The following ANKS1A variants were observed in gnomAD, a reference collection of about 807,000 sequenced individuals.
ANKS1A encodes the protein ankyrin repeat and SAM domain-containing protein 1A.
In ANKS1A, 55 loss-of-function variants were observed where a neutral mutation model predicts 120.3. That is an observed-to-expected ratio of 0.46 (90% CI 0.37 to 0.57). ANKS1A has a LOEUF of 0.57. Ranked by LOEUF, ANKS1A falls within the 20% of genes least tolerant of loss-of-function variation. ANKS1A has a pLI of 0.00. For missense variants in ANKS1A, 1,123 were observed against 1,480.3 expected, an observed-to-expected ratio of 0.76 and a Z score of 3.96; for synonymous variants, 590 against 604.7, an observed-to-expected ratio of 0.98 and a Z score of 0.36.
intron 1 of ANKS1A, among the ~76,000 whole-genome samples, chr6:34,956,339 T>G (rs1770358982): frequency 6.6e-6 from 1 of 151,930 alleles, no homozygotes; most frequent in Non-Finnish European, 1.5e-5. Flanking sequence ...TTTGAGTCAT[T>G]TTTTTCTGTT....
intron 1 of ANKS1A, among the ~76,000 whole-genome samples, chr6:34,908,394 G>A (rs927383882): frequency 3.3e-5 from 5 of 152,206 alleles, no homozygotes; most frequent in African/African-American, 9.6e-5. Context: ...AGGAGTCAGC[G>A]GAGGTGAGGT....
At chr6:35,038,957 T>C (rs923723103) in intron 11 of ANKS1A, among the ~76,000 whole-genome samples, 2 of 152,186 alleles carry the variant, frequency 1.3e-5, no homozygotes, top group Non-Finnish European at 2.9e-5. Context: ...ACCCCTCACC[T>C]AGTTTCTGCC....
At chr6:35,026,744 A>G (rs1287690008) in intron 11 of ANKS1A, among the ~76,000 whole-genome samples, 1 of 152,178 alleles carries the variant, frequency 6.6e-6, no homozygotes, top group African/African-American at 2.4e-5. Flanking sequence ...CCTACCCTAC[A>G]CTTAATATTG....
Position 35,086,055 on chromosome 6 carries a change from A to G in ANKS1A, c.3303+119A>G, listed in dbSNP as rs1777957765. On this transcript the variant is annotated intron_variant, in intron 22 of 23. Transcript: ENST00000360359. The surrounding 1 kb of genome is among the most constrained non-coding windows in gnomAD (Gnocchi z 5.1). The stretch of plus-strand genomic sequence containing the variant: ...TCCAGAAAGCTGGCCCTCCAGGGAA[A>G]TGACCCTCTTAATTGTCCCCCAACC... 3 of 1,378,046 alleles carry G rather than the reference A, an allele frequency of 2.2e-6. No individual in the cohort carries two copies. Among genetic ancestry groups the G allele is most frequent in the Admixed American group, 2.7e-5 (1 of 37,126 alleles). The allele number at this position is 1,378,046 out of a possible 1,614,324, so 85.4% of individuals were successfully genotyped here. A position where few individuals can be genotyped will look rare whatever the true frequency, so the allele number is the denominator to read the frequency against.
At chr6:35,026,891 A>G (rs1381951018) in intron 11 of ANKS1A, among the ~76,000 whole-genome samples, 1 of 152,012 alleles carries the variant, frequency 6.6e-6, no homozygotes, top group Admixed American at 6.5e-5. Context: ...GCATGCTTTT[A>G]AACATGCACA....
At chr6:35,066,086 C>T (rs912970632) in intron 13 of ANKS1A, among the ~76,000 whole-genome samples, 3 of 152,196 alleles carry the variant, frequency 2.0e-5, no homozygotes, top group Non-Finnish European at 4.4e-5. Flanking sequence ...CGGCAGGTTA[C>T]CCTTCCTCCC....
intron 11 of ANKS1A, among the ~76,000 whole-genome samples, chr6:35,047,884 T>C (rs986182299): frequency 3.9e-5 from 6 of 152,232 alleles, no homozygotes; most frequent in African/African-American, 1.2e-4. Context: ...GTCATGTTCA[T>C]GTCATGTCCA....
chr6:35,088,622 C>A lies in ANKS1A; in HGVS notation c.*13C>A. The A allele has an allele frequency of 6.2e-7, 1 of 1,614,244 alleles. No individual in the cohort carries two copies. The highest frequency in any genetic ancestry group is 1.1e-5 in the South Asian group (1 of 91,090). On this transcript the variant is annotated 3_prime_UTR_variant, in exon 24 of 24. Transcript: ENST00000360359. ...TCTGCCAAGCTGAGCCACTGAGGAA[C>A]CACACTGTGCTGCGGAAACATAGAC...
the ANKS1A span, among the ~76,000 whole-genome samples, chr6:35,097,949 C>T: frequency 1.3e-5 from 2 of 152,186 alleles, no homozygotes; most frequent in East Asian, 3.8e-4. Context: ...AAAATTTAGC[C>T]ATGTGAACAG....
At chr6:34,953,843 G>A (rs958492569) in intron 1 of ANKS1A, among the ~76,000 whole-genome samples, 1 of 152,144 alleles carries the variant, frequency 6.6e-6, no homozygotes, top group African/African-American at 2.4e-5. Flanking sequence ...TAAATACGCT[G>A]AATGACTCAC....
At chr6:34,949,645 G>C (rs1455794074) in intron 1 of ANKS1A, among the ~76,000 whole-genome samples, 1 of 152,146 alleles carries the variant, frequency 6.6e-6, no homozygotes, top group Non-Finnish European at 1.5e-5. Flanking sequence ...CCCTCAAATT[G>C]ACTCATTGAC....
intron 1 of ANKS1A, among the ~76,000 whole-genome samples, chr6:34,933,849 A>G (rs1469999459): frequency 6.6e-6 from 1 of 152,206 alleles, no homozygotes; most frequent in Non-Finnish European, 1.5e-5. Context: ...AATTAATGCA[A>G]TTAAACATTA....
At chr6:35,093,329 T>G (rs1466642593), downstream of ANKS1A, among the ~76,000 whole-genome samples, 2 of 152,016 alleles carry the variant, frequency 1.3e-5, no homozygotes, top group Non-Finnish European at 2.9e-5. Context: ...TTCCAACTTA[T>G]GCCAAAATAA....
chr6:35,079,880 AC>A lies in ANKS1A; in HGVS notation c.2498del (p.Pro833ArgfsTer15). 6.4e-7 allele frequency: 1 copy of A among 1,564,520 alleles called. No homozygotes were observed. Among genetic ancestry groups the A allele is most frequent in the Non-Finnish European group, 8.7e-7 (1 of 1,154,412 alleles). The part of the protein sequence containing the change: ...KRIIASLADR[P>X]YEEPPQKPPR... ...GCATCATCGCCTCCCTCGCAGACAG[AC>A]CGTACGAGGAGCCGCCCCAGAAGCC... On this transcript the variant is annotated frameshift_variant, in exon 16 of 24. Transcript: ENST00000360359. LOFTEE classifies it high-confidence loss of function.
rs576689787 is a variant in ANKS1A at position 34,972,914 on chromosome 6, G to A, written c.435+2748G>A. ...AATGGCAGGAATGGGGAAATAGAAAGGACCATATTACATGCTTAATTTACA... is the reference window on the plus strand; with the variant it reads ...AATGGCAGGAATGGGGAAATAGAAAAGACCATATTACATGCTTAATTTACA... On this transcript the variant is annotated intron_variant, in intron 3 of 23. Transcript: ENST00000360359. 6.6e-5 allele frequency among the ~76,000 whole-genome samples: 10 copies of A among 152,116 alleles called. No homozygotes were observed. In the East Asian group the frequency reaches 1.9e-3, roughly 29 times the overall value.
At chr6:34,902,156 T>C (rs1384934415) in intron 1 of ANKS1A, among the ~76,000 whole-genome samples, 2 of 152,230 alleles carry the variant, frequency 1.3e-5, no homozygotes, top group East Asian at 3.9e-4. Context: ...TTGCCATCTT[T>C]AGCAGACCCA....
Position 35,083,436 on chromosome 6 carries a change from A to G in ANKS1A, c.2927A>G (p.Lys976Arg). 1 of 1,614,076 alleles carries G rather than the reference A, an allele frequency of 6.2e-7. No homozygotes were observed. Among genetic ancestry groups the G allele is most frequent in the Non-Finnish European group, 8.5e-7 (1 of 1,179,978 alleles). The change falls in exon 20 of 24, where the codon AAG becomes AGG. Residue 976 changes from lysine to arginine, a missense_variant. Lys to Arg is a conservative substitution (Grantham distance 26). Transcript: ENST00000360359. ...AKMRKSTEHM[K>R]KIPTIILSIT... The stretch of plus-strand genomic sequence containing the variant: ...CTGTAGAAATCTACGGAGCACATGA[A>G]GAAGATCCCCACCATCATCCTGTCC...
intron 10 of ANKS1A, among the ~76,000 whole-genome samples, chr6:35,017,250 A>G (rs2127557715): frequency 6.6e-6 from 1 of 152,320 alleles, no homozygotes; most frequent in South Asian, 2.1e-4. Flanking sequence ...TTGGAATTTC[A>G]TAAATGCTCT....
In ANKS1A at chr6:34,982,734, C is replaced by T. The variant is rs772219679; in HGVS notation, c.733-18C>T. The T allele has an allele frequency of 1.2e-6, 2 of 1,614,174 alleles. No individual in the cohort carries two copies. The highest frequency in any genetic ancestry group is 2.2e-5 in the South Asian group (2 of 91,084). The stretch of plus-strand genomic sequence containing the variant: ...TGTTCTGATGACATCCCGCTCTGCG[C>T]TCTCGTTTGCTTTCCAGACGGAGAT... On this transcript the variant is annotated intron_variant, in intron 4 of 23. Transcript: ENST00000360359. The surrounding 1 kb of genome is among the most constrained non-coding windows in gnomAD (Gnocchi z 4.9).
Sources: gnomAD v4.1 joint callset for allele counts (sites outside exome capture counted in the v4.1 genomes callset) on GRCh38, gnomAD v4.1.1 for gene constraint, Gnocchi (gnomAD v3.1) non-coding constraint, MANE v1.5 for transcripts, NCBI Gene and HGNC (gene_info 2026-07-23, HGNC 2026-07-21) for gene names.